The following BCL11B variants were observed in gnomAD, a reference collection of about 807,000 sequenced individuals.
BCL11B encodes B-cell lymphoma/leukemia 11B.
Under a neutral mutation model 49.9 loss-of-function variants are expected in BCL11B, and 8 were observed. The observed-to-expected ratio is 0.16, with a 90% CI of 0.09 to 0.29. The LOEUF (loss-of-function observed/expected upper bound fraction) is 0.29, where lower values mean the gene tolerates loss of function less well. BCL11B is among the 10% of genes least tolerant of loss of function. The pLI, the probability that BCL11B is intolerant of heterozygous loss-of-function variation, is 1.00. For missense variants in BCL11B, 1,006 were observed against 1,351.0 expected (o/e 0.74, Z 4.00); for synonymous variants, 739 against 637.4 (o/e 1.16, Z -2.40).
chr14:99,227,931 C>A (rs983501240), intron 3 of BCL11B, among the ~76,000 whole-genome samples: 2 of 152,092 alleles, frequency 1.3e-5, no homozygotes, highest in Non-Finnish European at 2.9e-5. Flanking sequence ...CTCCCCACTG[C>A]GACCATTGGA....
chr14:99,176,226 A>G, intron 3 of BCL11B, 31 bp from the exon 4 acceptor site: 1 of 1,598,954 alleles, frequency 6.3e-7, no homozygotes, highest in Non-Finnish European at 8.5e-7. Context: ...AAAGGCAGAG[A>G]CAGCGTGAGA....
chr14:99,198,290 A>G (rs1280715367), intron 3 of BCL11B, among the ~76,000 whole-genome samples: 1 of 152,252 alleles, frequency 6.6e-6, no homozygotes, highest in South Asian at 2.1e-4. Flanking sequence ...TTCTCTTAAA[A>G]TGTCAATGTT....
chr14:99,174,316 C>A lies in BCL11B; in HGVS notation c.2520G>T (p.Thr840=). 4 of 1,613,454 alleles carry A rather than the reference C, an allele frequency of 2.5e-6. No individual in the cohort carries two copies. Among genetic ancestry groups the A allele is most frequent in the Non-Finnish European group, 3.4e-6 (4 of 1,180,000 alleles). ...TCTGCCCGTGCGTCTTCATGTGGCG[C>A]GTGAGCTTGCTGCTCTGCGCGCACG... ...NYACAQSSKL[T]RHMKTHGQIG... Residue 840 remains threonine, a synonymous_variant, in exon 4 of 4, where the codon ACG becomes ACT. Coordinates refer to ENST00000357195, the MANE Select transcript of BCL11B (RefSeq NM_138576.4).
At chr14:99,268,820 T>C (rs1385965897) in intron 1 of BCL11B, among the ~76,000 whole-genome samples, 1 of 152,114 alleles carries the variant, frequency 6.6e-6, no homozygotes, top group Non-Finnish European at 1.5e-5. Context: ...CCTTTTTCTC[T>C]CCACCTCTCT....
chr14:99,203,854 G>A (rs1887456508), intron 3 of BCL11B, among the ~76,000 whole-genome samples: 2 of 152,094 alleles, frequency 1.3e-5, no homozygotes, highest in Admixed American at 1.3e-4. Flanking sequence ...ACAGAAGGAA[G>A]CAGCCACCTC....
Position 99,173,870 on chromosome 14 carries a change from A to G in BCL11B, c.*281T>C, listed in dbSNP as rs952580184. ...TCTTAAAGGAATTCAAACAGAAAAA[A>G]TAATAATAAAAAGTACCTGCACATG... On this transcript the variant is annotated 3_prime_UTR_variant, in exon 4 of 4. Coordinates refer to ENST00000357195, the MANE Select transcript of BCL11B (RefSeq NM_138576.4). The G allele has an allele frequency of 6.7e-6, 3 of 449,822 alleles. No homozygotes were observed. The South Asian group carries it at 9.5e-5, about 14-fold the overall frequency. The allele number at this position is 449,822 out of a possible 1,614,324, so 27.9% of individuals were successfully genotyped here. A position where few individuals can be genotyped will look rare whatever the true frequency, so the allele number is the denominator to read the frequency against.
At chr14:99,196,013 A>G (rs1157877979) in intron 3 of BCL11B, among the ~76,000 whole-genome samples, 1 of 152,180 alleles carries the variant, frequency 6.6e-6, no homozygotes, top group East Asian at 1.9e-4. Flanking sequence ...GAAGCCCATG[A>G]GCCAAGTCCT....
In BCL11B at chr14:99,211,683, G is replaced by C. The variant is rs11846314; in HGVS notation, c.640+19662C>G. 5.2e-3 allele frequency among the ~76,000 whole-genome samples: 792 copies of C among 152,030 alleles called. 10 individuals carry two copies. The highest frequency in any genetic ancestry group is 0.018 in the African/African-American group (741 of 41,466). ...TCCATCGTCCTTACTTCTCAGGGCT[G>C]CACCTGACCTCTTTCACGTGAATGT... On this transcript the variant is annotated intron_variant, in intron 3 of 3. Coordinates refer to ENST00000357195, the MANE Select transcript of BCL11B (RefSeq NM_138576.4).
chr14:99,199,617 C>T (rs1887281682), intron 3 of BCL11B, among the ~76,000 whole-genome samples: 1 of 148,678 alleles, frequency 6.7e-6, no homozygotes, highest in Non-Finnish European at 1.5e-5. Context: ...AGGGAGAAGA[C>T]TTAGCAGGGT....
chr14:99,186,248 C>T (rs2139785124), intron 3 of BCL11B, among the ~76,000 whole-genome samples: 1 of 152,324 alleles, frequency 6.6e-6, no homozygotes, highest in South Asian at 2.1e-4. Context: ...GCATCATGCA[C>T]AGTGGCTCAC....
At chr14:99,245,446 C>T (rs995409986) in intron 2 of BCL11B, among the ~76,000 whole-genome samples, 4 of 152,224 alleles carry the variant, frequency 2.6e-5, no homozygotes, top group Non-Finnish European at 4.4e-5. Context: ...ACGAAATCCC[C>T]ACTTTGAGAT....
At chr14:99,208,928 T>C (rs1386837981) in intron 3 of BCL11B, among the ~76,000 whole-genome samples, 1 of 152,060 alleles carries the variant, frequency 6.6e-6, no homozygotes, top group Non-Finnish European at 1.5e-5. Flanking sequence ...AACGTGGACA[T>C]GGAAACCTCG....
chr14:99,196,306 C>G (rs1333053017), intron 3 of BCL11B, among the ~76,000 whole-genome samples: 2 of 152,154 alleles, frequency 1.3e-5, no homozygotes, highest in South Asian at 2.1e-4. Context: ...CGAGTGAGGA[C>G]AGCAGTGTTC....
chr14:99,237,844 C>A (rs2748814), intron 2 of BCL11B, among the ~76,000 whole-genome samples: 95,475 of 151,892 alleles, frequency 0.63, 32,381 homozygotes, highest in Non-Finnish European at 0.77. Flanking sequence ...TAAGAATTCA[C>A]ATGCAGGTGA....
chr14:99,196,194 C>A (rs907302239), intron 3 of BCL11B, among the ~76,000 whole-genome samples: 1 of 152,174 alleles, frequency 6.6e-6, no homozygotes, highest in Non-Finnish European at 1.5e-5. Flanking sequence ...TGCTGCCCCC[C>A]AGCCCACGTC....
At chr14:99,249,800 C>G (rs948694164) in intron 2 of BCL11B, among the ~76,000 whole-genome samples, 1 of 152,152 alleles carries the variant, frequency 6.6e-6, no homozygotes, top group African/African-American at 2.4e-5. Context: ...AGAATAGTGT[C>G]TGGCACACAG....
chr14:99,207,250 T>C (rs966410342), intron 3 of BCL11B, among the ~76,000 whole-genome samples: 2 of 152,216 alleles, frequency 1.3e-5, no homozygotes, highest in African/African-American at 4.8e-5. Flanking sequence ...CCTCTTATTA[T>C]GACATAAATG....
chr14:99,175,655 G>A lies in BCL11B; in HGVS notation c.1181C>T (p.Pro394Leu). ...CGGGGACTTGGGGCTGGGCTGGAAG[G>A]GGTTCAGGAGCCGGTGCATAGGGTT... ...RGNPMHRLLN[P>L]FQPSPKSPFL... is the part of the protein sequence containing the mutation. Residue 394 changes from proline to leucine, a missense_variant, in exon 4 of 4, where the codon CCC becomes CTC. Coordinates refer to ENST00000357195, the MANE Select transcript of BCL11B (RefSeq NM_138576.4). 1 of 1,559,466 alleles carries A rather than the reference G, an allele frequency of 6.4e-7. No homozygotes were observed. The highest frequency in any genetic ancestry group is 8.6e-7 in the Non-Finnish European group (1 of 1,163,268).
intron 2 of BCL11B, among the ~76,000 whole-genome samples, chr14:99,235,462 T>C (rs1888468710): frequency 6.6e-6 from 1 of 152,162 alleles, no homozygotes; most frequent in Non-Finnish European, 1.5e-5. Context: ...CGGAGAAAAT[T>C]ACTATGCATG....
Sources: gnomAD v4.1 joint callset for allele counts (sites outside exome capture counted in the v4.1 genomes callset) on GRCh38, gnomAD v4.1.1 for gene constraint, MANE v1.5 for transcripts, NCBI Gene and HGNC (gene_info 2026-07-23, HGNC 2026-07-21) for gene names.